HHAT: variants seen among roughly 807,000 people sequenced by gnomAD.
The protein encoded by HHAT is hedgehog acyltransferase.
HHAT carries 47 observed loss-of-function variants against 70.8 expected under a neutral mutation model. The observed-to-expected ratio is 0.66, with a 90% CI of 0.53 to 0.85. The LOEUF is 0.85. HHAT is among the 40% of genes least tolerant of loss of function. The pLI is 0.00. For missense variants in HHAT, 609 were observed against 604.8 expected (o/e 1.01, Z -0.07); for synonymous variants, 228 against 247.6 (o/e 0.92, Z 0.74).
Position 210,637,189 on chromosome 1 carries a change from T to C in HHAT, c.1390+13519T>C, listed in dbSNP as rs141403443. Reference sequence around the variant, plus strand: ...CTGCCACATGGCCCCATTTTTCTTCTATCAAAATAATTTGGTGGATATGTA... The same window carrying C: ...CTGCCACATGGCCCCATTTTTCTTCCATCAAAATAATTTGGTGGATATGTA... On this transcript the variant is annotated intron_variant, in intron 11 of 11. Coordinates refer to ENST00000261458, the MANE Select transcript of HHAT (RefSeq NM_018194.6). Among the ~76,000 whole-genome samples the C allele has an allele frequency of 1.1e-3, 162 of 152,316 alleles. 1 individual carries two copies. The highest frequency in any genetic ancestry group is 3.7e-3 in the African/African-American group (154 of 41,562).
intron 9 of HHAT, among the ~76,000 whole-genome samples, chr1:210,562,431 G>A (rs1388710186): frequency 6.6e-6 from 1 of 151,824 alleles, no homozygotes; most frequent in Non-Finnish European, 1.5e-5. Flanking sequence ...TGAATTTGCT[G>A]CAGATGTCCT....
chr1:210,476,758 A>G (rs974624937), intron 8 of HHAT, among the ~76,000 whole-genome samples: 4 of 152,194 alleles, frequency 2.6e-5, no homozygotes, highest in African/African-American at 9.6e-5. Flanking sequence ...TGGTGTCATA[A>G]GTAAGATCTG....
At chr1:210,410,447 G>T (rs112324151) in intron 6 of HHAT, among the ~76,000 whole-genome samples, 14,583 of 118,816 alleles carry the variant, frequency 0.12, 758 homozygotes, top group South Asian at 0.19. Flanking sequence ...AAAACCTTTT[G>T]TTTTTTTTTT....
chr1:210,616,986 A>C (rs565668660), intron 10 of HHAT, among the ~76,000 whole-genome samples: 15 of 152,358 alleles, frequency 9.8e-5, no homozygotes, highest in African/African-American at 3.1e-4. Flanking sequence ...GATTGGGATG[A>C]TCTACATTTA....
chr1:210,507,721 A>G (rs1212406176), intron 8 of HHAT, among the ~76,000 whole-genome samples: 2 of 152,008 alleles, frequency 1.3e-5, no homozygotes, highest in African/African-American at 4.8e-5. Context: ...ATGGCCCTAC[A>G]AGGGAGGCCC....
chr1:210,506,555 A>G (rs1001284838), intron 8 of HHAT, among the ~76,000 whole-genome samples: 1 of 152,204 alleles, frequency 6.6e-6, no homozygotes, highest in South Asian at 2.1e-4. Context: ...ATGTCTCCTC[A>G]TGAGGAAACC....
chr1:210,642,321 A>G (rs1195313558), intron 11 of HHAT, among the ~76,000 whole-genome samples: 6 of 152,196 alleles, frequency 3.9e-5, no homozygotes, highest in Non-Finnish European at 8.8e-5. Context: ...GGACTTGTAG[A>G]TTGTTTTTAG....
intron 3 of HHAT, among the ~76,000 whole-genome samples, chr1:210,378,846 A>G (rs146843466): frequency 4.1e-4 from 62 of 152,292 alleles, no homozygotes; most frequent in African/African-American, 1.4e-3. Flanking sequence ...CTTATTTCAG[A>G]CTAGTGTTCT....
intron 8 of HHAT, among the ~76,000 whole-genome samples, chr1:210,482,916 T>C (rs2094419237): frequency 6.6e-6 from 1 of 152,218 alleles, no homozygotes; most frequent in Admixed American, 6.5e-5. Flanking sequence ...TCTCTTCTCA[T>C]TTCCTCATGC....
chr1:210,390,120 A>C (rs1191095142), intron 4 of HHAT, among the ~76,000 whole-genome samples: 1 of 152,212 alleles, frequency 6.6e-6, no homozygotes, highest in East Asian at 1.9e-4. Flanking sequence ...ATTGCAATCA[A>C]CATAAGTGGA....
chr1:210,455,787 T>C lies in HHAT; in HGVS notation c.857-8718T>C, dbSNP rs2093853037. On this transcript the variant is annotated intron_variant, in intron 7 of 11. Transcript: ENST00000261458. ...GTTGAAACCTGATTGGGTTCCCTCC[T>C]GATTGTGTTTCCCACCCTGCCCCTA... 2.0e-5 allele frequency among the ~76,000 whole-genome samples: 3 copies of C among 152,212 alleles called. No homozygotes were observed. In the South Asian group the frequency reaches 6.2e-4, roughly 32 times the overall value.
chr1:210,602,704 T>G (rs1207601161), intron 10 of HHAT, among the ~76,000 whole-genome samples: 1 of 151,552 alleles, frequency 6.6e-6, no homozygotes, highest in African/African-American at 2.4e-5. Flanking sequence ...AGCTTATTAG[T>G]GCTCACCCGG....
chr1:210,330,456 G>C (rs2084890535), intron 1 of HHAT, among the ~76,000 whole-genome samples: 1 of 152,194 alleles, frequency 6.6e-6, no homozygotes, highest in Non-Finnish European at 1.5e-5. Flanking sequence ...ACATGTCAGG[G>C]CCGGGTTTTG....
At chr1:210,328,189 G>A (rs1445442779), upstream of HHAT, 1 of 152,116 alleles carries the variant, frequency 6.6e-6, no homozygotes, top group Non-Finnish European at 1.5e-5. Flanking sequence ...CCAGAAGCCC[G>A]AGGTTTTAAT....
intron 10 of HHAT, among the ~76,000 whole-genome samples, chr1:210,605,402 G>A (rs1251997219): frequency 6.6e-6 from 1 of 152,142 alleles, no homozygotes; most frequent in Non-Finnish European, 1.5e-5. Flanking sequence ...TTCACTTCAT[G>A]TCTCTTTGCT....
intron 10 of HHAT, among the ~76,000 whole-genome samples, chr1:210,600,009 C>T (rs1365776218): frequency 6.6e-6 from 1 of 152,168 alleles, no homozygotes; most frequent in East Asian, 1.9e-4. Context: ...TGCTCTCTTT[C>T]CTTCCCCTCC....
At chr1:210,604,154 A>C (rs551147699) in intron 10 of HHAT, among the ~76,000 whole-genome samples, 28 of 152,248 alleles carry the variant, frequency 1.8e-4, no homozygotes, top group Middle Eastern at 3.4e-3. Flanking sequence ...ATCTAGGCTC[A>C]CTGCAACCTC....
At chr1:210,358,853 A>G (rs761392243) in intron 2 of HHAT, among the ~76,000 whole-genome samples, 89 of 152,192 alleles carry the variant, frequency 5.8e-4, no homozygotes, top group Non-Finnish European at 1.1e-3. Flanking sequence ...GCTGAGAGTG[A>G]AAAGGGGTAG....
intron 9 of HHAT, among the ~76,000 whole-genome samples, chr1:210,551,457 G>C (rs2095527187): frequency 7.6e-6 from 1 of 132,418 alleles, no homozygotes; most frequent in African/African-American, 2.9e-5. Flanking sequence ...TTTTTAAATT[G>C]TGTTTCTGAG....
Sources: allele counts gnomAD v4.1 joint callset (sites outside exome capture counted in the v4.1 genomes callset), GRCh38; gene constraint gnomAD v4.1.1; transcripts MANE v1.5; gene names NCBI Gene and HGNC (gene_info 2026-07-23, HGNC 2026-07-21).